KDM5C: variants seen among roughly 807,000 people sequenced by gnomAD.
KDM5C encodes the protein lysine demethylase 5C.
Under a neutral mutation model 110.6 loss-of-function variants are expected in KDM5C, and 16 were observed. That is an observed-to-expected ratio of 0.14 (90% CI 0.10 to 0.22). The LOEUF (loss-of-function observed/expected upper bound fraction) is 0.22, where lower values mean the gene tolerates loss of function less well. Among genes scored for constraint, KDM5C ranks in the 10% least tolerant of loss-of-function variants. KDM5C has a pLI of 1.00. For missense variants in KDM5C, 681 were observed against 1,300.9 expected (o/e 0.52, Z 7.33); for synonymous variants, 511 against 520.4 (o/e 0.98, Z 0.24).
Position 53,215,865 on chromosome X carries a change from A to T in KDM5C, c.893T>A (p.Leu298Gln), listed in dbSNP as rs137861376. The T allele has an allele frequency of 3.3e-6, 4 of 1,209,847 alleles. No individual in the cohort carries two copies. Among genetic ancestry groups the T allele is most frequent in the Non-Finnish European group, 3.4e-6 (3 of 895,081 alleles). The change falls in exon 7 of 26, where the codon CTG becomes CAG. Residue 298 changes from leucine to glutamine, a missense_variant. Leu to Gln is a moderately radical substitution (Grantham distance 113, BLOSUM62 -2). This residue lies in a region of KDM5C where 71 missense variants were observed against 115.0 expected (regional missense o/e 0.62). Transcript: ENST00000375401. ...PKTFLESKEE[L>Q]SHSPEPCTKM... is the part of the protein sequence containing the mutation. The stretch of plus-strand genomic sequence containing the variant: ...GGTGCAGGGTTCTGGGCTGTGACTC[A>T]GCTCCTCCTTGCTCTCCAGGAAGGT...
intron 25 of KDM5C, among the ~76,000 whole-genome samples, chrX:53,184,526 G>A (rs1002312135): frequency 9.0e-6 from 1 of 111,709 alleles, no homozygotes; most frequent in African/African-American, 3.3e-5. Flanking sequence ...ATAAGTGTTG[G>A]CTACCACACC....
chrX:53,194,084 G>A (rs1934631929), intron 23 of KDM5C, 55 bp downstream of exon 23: 1 of 1,172,116 alleles, frequency 8.5e-7, no homozygotes, highest in East Asian at 3.2e-5. Flanking sequence ...GCCTAAACTG[G>A]GGTAGGGGCT....
rs782719172 is a variant in KDM5C, at chrX:53,184,265, G to C, written c.4309-7643C>G. Among the ~76,000 whole-genome samples, 8 of 110,648 alleles carry C rather than the reference G, an allele frequency of 7.2e-5. No individual in the cohort carries two copies. The East Asian group carries it at 2.3e-3, about 31-fold the overall frequency. On this transcript the variant is annotated intron_variant, in intron 25 of 25. Coordinates refer to the KDM5C transcript ENST00000685641. ...TTTTTTATTTTTTTAAGAGAGATGAGGTCTCATTCTGTCACCTAGGCTGGA... is the reference window on the plus strand; with the variant it reads ...TTTTTTATTTTTTTAAGAGAGATGACGTCTCATTCTGTCACCTAGGCTGGA...
chrX:53,191,872 A>G (rs1337233480), downstream of KDM5C: 3 of 174,752 alleles, frequency 1.7e-5, no homozygotes, highest in African/African-American at 8.8e-5. Context: ...TGGGAGCTTG[A>G]GGAGGATAAA....
chrX:53,188,898 G>A (rs1376809350), downstream of KDM5C, among the ~76,000 whole-genome samples: 2 of 111,178 alleles, frequency 1.8e-5, no homozygotes, highest in African/African-American at 3.3e-5. Context: ...CCAGCCAACA[G>A]CCAGCAAGAC....
In KDM5C at chrX:53,192,869, A is replaced by ACCCCCCCACCC; in HGVS notation, c.*97_*98insGGGTGGGGGGG. On this transcript the variant is annotated 3_prime_UTR_variant, in exon 26 of 26. Coordinates refer to ENST00000375401, the MANE Select transcript of KDM5C (RefSeq NM_004187.5). Reference sequence around the variant, plus strand: ...GGGTAGCAGGGATGGCCACCCCCCTACCCGCCCACCCCCCAAGAAGCAGGC... The same window carrying ACCCCCCCACCC: ...GGGTAGCAGGGATGGCCACCCCCCTACCCCCCCACCCCCCGCCCACCCCCCAAGAAGCAGGC... The ACCCCCCCACCC allele has an allele frequency of 5.6e-6, 1 of 179,883 alleles. No homozygotes were observed. 14.8% of individuals were successfully genotyped at this position (179,883 alleles called of 1,213,427 possible).
Position 53,224,872 on chromosome X carries a change from G to A in KDM5C, c.18C>T (p.Asp6=). The part of the protein sequence containing the change: MEPGS[D]DFLPPPECPV... ...GGCACTCCGGTGGCGGTAGGAAATC[G>A]TCGGACCCCGGCTCCATGGTGGGCC... The change falls in exon 1 of 26, where the codon GAC becomes GAT. Residue 6 remains aspartate (D), a synonymous_variant. Transcript: ENST00000375401. 1.7e-6 allele frequency: 2 copies of A among 1,207,920 alleles called. No individual in the cohort carries two copies. The highest frequency in any genetic ancestry group is 3.5e-5 in the South Asian group (2 of 56,430).
Position 53,201,615 on chromosome X carries a change from C to T in KDM5C, c.1996G>A (p.Val666Met), listed in dbSNP as rs2073141930. The change falls in exon 14 of 26, where the codon GTG becomes ATG. Residue 666 changes from valine (V) to methionine (M), a missense_variant. Physicochemically the swap from Val to Met is conservative, Grantham distance 21. Around this residue, in one of 14 missense-constraint regions of KDM5C, gnomAD observed 42 missense variants for 98.9 expected, o/e 0.42. Coordinates refer to ENST00000375401, the MANE Select transcript of KDM5C (RefSeq NM_004187.5). ...EKLDLNLAAAVHKEMFIMVQE... is the reference protein window; with the variant it reads ...EKLDLNLAAAMHKEMFIMVQE... Reference sequence around the variant, plus strand: ...ACCATGATGAACATCTCCTTATGCACAGCTGCCGCCAGGTTCAGGTCTAGC... The same window carrying T: ...ACCATGATGAACATCTCCTTATGCATAGCTGCCGCCAGGTTCAGGTCTAGC... 1 of 1,210,516 alleles carries T rather than the reference C, an allele frequency of 8.3e-7. No individual in the cohort carries two copies. The highest frequency in any genetic ancestry group is 1.1e-6 in the Non-Finnish European group (1 of 895,326).
downstream of KDM5C, among the ~76,000 whole-genome samples, chrX:53,189,479 CTTCCT>C (rs1300226861): frequency 4.6e-4 from 52 of 112,626 alleles, no homozygotes; most frequent in Middle Eastern, 4.6e-3. Flanking sequence ...GGCTGTTCCC[CTTCCT>C]TTCATGTGAG....
At chrX:53,203,247 TTCTC>T (rs1236814380) in intron 12 of KDM5C, among the ~76,000 whole-genome samples, 4 of 111,718 alleles carry the variant, frequency 3.6e-5, no homozygotes, top group African/African-American at 9.8e-5. Flanking sequence ...TGAAACCTGT[TTCTC>T]TCTCTCTCGA....
At chrX:53,213,922 G>A (rs781905111) in intron 8 of KDM5C, among the ~76,000 whole-genome samples, 47 of 111,580 alleles carry the variant, frequency 4.2e-4, no homozygotes, top group African/African-American at 1.5e-3. Flanking sequence ...TCACTGGGTG[G>A]TGGGAACACA....
In KDM5C at chrX:53,201,573, G is replaced by A. The variant is rs948155012; in HGVS notation, c.2038C>T (p.Leu680=). The A allele has an allele frequency of 6.6e-6, 8 of 1,209,960 alleles. No homozygotes were observed. The highest frequency in any genetic ancestry group is 7.8e-6 in the Non-Finnish European group (7 of 895,143). ...MFIMVQEERR[L]RKALLEKGIT... ...ACCTTCTCCAGCAGGGCCTTTCGTA[G>A]ACGCCGCTCTTCTTGCACCATGATG... is the stretch of plus-strand genomic sequence containing the variant. Residue 680 remains leucine (L), a synonymous_variant, in exon 14 of 26, where the codon CTA becomes TTA. Transcript: ENST00000375401.
chrX:53,194,075 C>T, intron 23 of KDM5C, 64 bp downstream of exon 23: 1 of 1,165,656 alleles, frequency 8.6e-7, no homozygotes, highest in South Asian at 1.9e-5. Context: ...CAGGGCCGAG[C>T]CTAAACTGGG....
At chrX:53,194,071 C>T (rs1934630867) in intron 23 of KDM5C, 68 bp downstream of exon 23, 29 of 1,156,628 alleles carry the variant, frequency 2.5e-5, no homozygotes, top group Admixed American at 5.1e-5. Context: ...GGGGCAGGGC[C>T]GAGCCTAAAC....
chrX:53,214,287 C>A (rs58291318), intron 8 of KDM5C: 3,241 of 130,144 alleles, frequency 0.025, 141 homozygotes, highest in African/African-American at 0.1. Context: ...AAAAAAAAAA[C>A]AAAACAAAAA....
Position 53,192,809 on chromosome X carries a change from T to A in KDM5C, c.*158A>T, listed in dbSNP as rs782082388. 1 of 1,048,986 alleles carries A rather than the reference T, an allele frequency of 9.5e-7. No homozygotes were observed. Among genetic ancestry groups the A allele is most frequent in the Non-Finnish European group, 1.3e-6 (1 of 784,784 alleles). 86.4% of individuals were successfully genotyped at this position (1,048,986 alleles called of 1,213,427 possible). On this transcript the variant is annotated 3_prime_UTR_variant, in exon 26 of 26. Transcript: ENST00000375401. The stretch of plus-strand genomic sequence containing the variant: ...CTGAGGTCTGAACAATACCTTGGAG[T>A]CAGAATACAAAAGTCAAGGGACTCA...
intron 25 of KDM5C, among the ~76,000 whole-genome samples, chrX:53,185,459 A>T (rs1212676587): frequency 8.9e-6 from 1 of 112,431 alleles, no homozygotes; most frequent in African/African-American, 3.2e-5. Context: ...GCAAGAAGTA[A>T]ACTTGTCTTA....
chrX:53,176,747 ATCAATC>A (rs1933895297), intron 25 of KDM5C, among the ~76,000 whole-genome samples: 1 of 112,416 alleles, frequency 8.9e-6, no homozygotes, highest in African/African-American at 3.2e-5. Context: ...TAAAACGTGG[ATCAATC>A]TTAAAAGCAT....
intron 8 of KDM5C, 144 bp from the exon 9 acceptor site, chrX:53,212,050 G>T: frequency 1.4e-6 from 1 of 698,384 alleles, no homozygotes. Context: ...TTACTTTACA[G>T]CTGTACCTTT....
Sources: gnomAD v4.1 joint callset for allele counts (sites outside exome capture counted in the v4.1 genomes callset) on GRCh38, gnomAD v4.1.1 for gene constraint, gnomAD v4.1.1 regional missense constraint, MANE v1.5 for transcripts, NCBI Gene and HGNC (gene_info 2026-07-23, HGNC 2026-07-21) for gene names.